Variants in ZNF791 observed in about 807,000 individuals in gnomAD.
ZNF791 encodes zinc finger protein 791.
Under a neutral mutation model 11.5 loss-of-function variants are expected in ZNF791, and 4 were observed. The ratio of observed to expected loss-of-function variants is 0.35; its 90% confidence interval spans 0.17 to 0.80. The LOEUF is 0.80. Ranked by LOEUF, ZNF791 falls within the 30% of genes least tolerant of loss-of-function variation. The probability of loss-of-function intolerance (pLI) is 0.53; values close to 1 mark genes in which losing one functional copy is unlikely to be tolerated. For synonymous variants in ZNF791, 212 were observed against 228.1 expected (o/e 0.93, Z 0.64); for missense variants, 559 against 699.4 (o/e 0.80, Z 2.26).
intron 2 of ZNF791, 46 bp downstream of exon 2, chr19:12,623,872 G>GC: frequency 1.0e-6 from 1 of 1,004,000 alleles, no homozygotes; most frequent in South Asian, 1.6e-5. Flanking sequence ...TTTTTTTTTG[G>GC]GGGGGGACAG....
At chr19:12,612,449 A>C (rs1456990286) in intron 1 of ZNF791, 2 of 147,848 alleles carry the variant, frequency 1.4e-5, no homozygotes, top group Non-Finnish European at 3.0e-5. Flanking sequence ...TTATTTATTT[A>C]CTTTTTTTTT....
At position 12,630,783 on chromosome 19, in the gene ZNF791, T is replaced by TA; in HGVS notation, c.*1530dup. ...TAGTTAGTCTTTAACAAAAATAGTT[T>TA]AAAAAAATTTAATAGAAAAAGCTTA... On this transcript the variant is annotated 3_prime_UTR_variant, in exon 4 of 4. Transcript: ENST00000343325. 1 of 152,230 alleles carries TA rather than the reference T, an allele frequency of 6.6e-6. No homozygotes were observed. The highest frequency in any genetic ancestry group is 2.1e-4 in the South Asian group (1 of 4,828). 9.4% of individuals were successfully genotyped at this position (152,230 alleles called of 1,614,324 possible).
chr19:12,622,348 A>G (rs1319830939), intron 1 of ZNF791, among the ~76,000 whole-genome samples: 2 of 145,340 alleles, frequency 1.4e-5, no homozygotes, highest in Admixed American at 1.4e-4. Flanking sequence ...AGAATTATCA[A>G]TAAAAAAATA....
At chr19:12,620,359 A>C (rs949791448) in intron 1 of ZNF791, among the ~76,000 whole-genome samples, 4 of 151,728 alleles carry the variant, frequency 2.6e-5, no homozygotes, top group African/African-American at 9.7e-5. Flanking sequence ...TATATTTTAT[A>C]GAGACAGGGT....
chr19:12,611,518 A>C (rs2861405), intron 1 of ZNF791, among the ~76,000 whole-genome samples: 100,285 of 151,954 alleles, frequency 0.66, 34,137 homozygotes, highest in African/African-American at 0.74. Context: ...TCCCTCCCCG[A>C]ATTCCCAAAC....
intron 1 of ZNF791, chr19:12,623,452 G>A (rs1285055466): frequency 6.4e-6 from 3 of 466,042 alleles, no homozygotes; most frequent in Non-Finnish European, 7.5e-6. Context: ...TGTCTCATTT[G>A]TGTAGGATTT....
At position 12,628,657 on chromosome 19, in the gene ZNF791, G is replaced by A. The variant is rs142567623; in HGVS notation, c.1128G>A (p.Arg376=). Residue 376 remains arginine (R), a synonymous_variant, in exon 4 of 4, where the codon AGG becomes AGA. Coordinates refer to ENST00000343325, the MANE Select transcript of ZNF791 (RefSeq NM_153358.3). The part of the protein sequence containing the change: ...SRISYFRIHE[R]THTGEKPYEC... ...TCAGTTACTTTCGAATACATGAAAG[G>A]ACTCACACTGGAGAGAAACCCTACG... is the stretch of plus-strand genomic sequence containing the variant. 4.4e-6 allele frequency: 7 copies of A among 1,599,820 alleles called. No homozygotes were observed. The highest frequency in any genetic ancestry group is 6.0e-6 in the Non-Finnish European group (7 of 1,174,234).
At chr19:12,620,626 T>C (rs1017170282) in intron 1 of ZNF791, among the ~76,000 whole-genome samples, 1 of 152,098 alleles carries the variant, frequency 6.6e-6, no homozygotes, top group Non-Finnish European at 1.5e-5. Flanking sequence ...AAACCCCTTC[T>C]AACTGTGTGG....
In ZNF791 at chr19:12,611,087, G is replaced by A. The variant is rs780747796; in HGVS notation, c.3+5G>A. The A allele has an allele frequency of 5.0e-6, 8 of 1,614,138 alleles. No individual in the cohort carries two copies. Among genetic ancestry groups the A allele is most frequent in the Non-Finnish European group, 6.8e-6 (8 of 1,180,024 alleles). On this transcript the variant is annotated splice_donor_5th_base_variant and intron_variant, in intron 1 of 3. Transcript: ENST00000343325. ...CACCCGCGAGGCCGGAAAATGGTGA[G>A]TGTGCAGGGCCGGACTAGTTGGAAC...
At chr19:12,622,790 A>G (rs186378094) in intron 1 of ZNF791, among the ~76,000 whole-genome samples, 278 of 150,744 alleles carry the variant, frequency 1.8e-3, no homozygotes, top group Non-Finnish European at 2.7e-3. Flanking sequence ...GCTACTTCGG[A>G]GGCTGAGGCA....
At chr19:12,620,293 A>C (rs541653467) in intron 1 of ZNF791, among the ~76,000 whole-genome samples, 84 of 152,078 alleles carry the variant, frequency 5.5e-4, no homozygotes, top group African/African-American at 2.0e-3. Context: ...CTCCCACCTC[A>C]GCCTCCCAAG....
chr19:12,627,801 C>A lies in ZNF791; in HGVS notation c.272C>A (p.Thr91Lys), dbSNP rs376298562. ...AENFSPNLSV[T>K]KKTAGVKPYE... is the part of the protein sequence containing the mutation. ...AACTTCAGTCCCAATCTCAGTGTGA[C>A]GAAGAAGACTGCCGGAGTAAAACCA... Residue 91 changes from threonine to lysine, a missense_variant, in exon 4 of 4, where the codon ACG becomes AAG. Thr to Lys is a moderately conservative substitution (Grantham distance 78). Coordinates refer to ENST00000343325, the MANE Select transcript of ZNF791 (RefSeq NM_153358.3). 6.2e-7 allele frequency: 1 copy of A among 1,614,094 alleles called. No homozygotes were observed. The highest frequency in any genetic ancestry group is 2.2e-5 in the East Asian group (1 of 44,880).
intron 1 of ZNF791, among the ~76,000 whole-genome samples, chr19:12,621,492 A>G (rs907422715): frequency 6.6e-6 from 1 of 151,092 alleles, no homozygotes; most frequent in African/African-American, 2.4e-5. Context: ...ACATAGGGAT[A>G]TATATATATC....
chr19:12,619,742 C>T (rs2023307604), intron 1 of ZNF791, among the ~76,000 whole-genome samples: 1 of 151,828 alleles, frequency 6.6e-6, no homozygotes, highest in Non-Finnish European at 1.5e-5. Context: ...AGCCACCGCG[C>T]CCGGCCACTA....
intron 1 of ZNF791, among the ~76,000 whole-genome samples, chr19:12,622,413 A>G (rs1383073233): frequency 7.2e-6 from 1 of 138,014 alleles, no homozygotes; most frequent in Non-Finnish European, 1.6e-5. Flanking sequence ...GTCTCAAACA[A>G]AAAAAAAAAA....
At chr19:12,625,678 A>C (rs565046117) in intron 3 of ZNF791, among the ~76,000 whole-genome samples, 2 of 148,996 alleles carry the variant, frequency 1.3e-5, no homozygotes, top group African/African-American at 2.5e-5. Flanking sequence ...CCAGCTACTC[A>C]GGAGGCTGAG....
intron 1 of ZNF791, among the ~76,000 whole-genome samples, chr19:12,611,434 A>T (rs1419573506): frequency 6.6e-6 from 1 of 152,044 alleles, no homozygotes; most frequent in African/African-American, 2.4e-5. Context: ...TTGGAAGCAG[A>T]GTCTCAAATC....
In ZNF791 at chr19:12,620,911, C is replaced by T. The variant is rs1265963209; in HGVS notation, c.4-2789C>T. Among the ~76,000 whole-genome samples, 6 of 151,884 alleles carry T rather than the reference C, an allele frequency of 4.0e-5. 1 individual carries two copies. Among genetic ancestry groups the T allele is most frequent in the Admixed American group, 3.9e-4 (6 of 15,208 alleles). On this transcript the variant is annotated intron_variant, in intron 1 of 3. Transcript: ENST00000343325. ...GAGTAGCTGAGATTACATGCATGCA[C>T]CACCATGCCCAACTAATTTTTGTAT...
chr19:12,624,842 G>A, intron 3 of ZNF791, 132 bp downstream of exon 3: 1 of 495,776 alleles, frequency 2.0e-6, no homozygotes, highest in Non-Finnish European at 3.5e-6. Flanking sequence ...GAGGTCAGGA[G>A]TTCAAGACCA....
Sources: allele counts gnomAD v4.1 joint callset (sites outside exome capture counted in the v4.1 genomes callset), GRCh38; gene constraint gnomAD v4.1.1; transcripts MANE v1.5; gene names NCBI Gene and HGNC (gene_info 2026-07-23, HGNC 2026-07-21).